The following GNG4 variants were observed in gnomAD, a reference collection of about 807,000 sequenced individuals.
The protein encoded by GNG4 is G protein subunit gamma 4, also known as guanine nucleotide-binding protein G(I)/G(S)/G(O) subunit gamma-4.
In GNG4, 4 loss-of-function variants were observed where a neutral mutation model predicts 5.8. The observed-to-expected ratio is 0.69, with a 90% CI of 0.34 to 1.57. The LOEUF is 1.57. Among genes scored for constraint, GNG4 ranks in the 40% most tolerant of loss-of-function variants. GNG4 has a pLI of 0.06. For synonymous variants in GNG4, 29 were observed against 32.9 expected (o/e 0.88, Z 0.41); for missense variants, 96 against 95.1 (o/e 1.01, Z -0.04).
At chr1:235,579,268 A>G (rs1203461762) in intron 3 of GNG4, among the ~76,000 whole-genome samples, 2 of 152,158 alleles carry the variant, frequency 1.3e-5, no homozygotes, top group East Asian at 3.8e-4. Flanking sequence ...CATACATTAA[A>G]TGGCTTGACT....
chr1:235,626,253 C>A, intron 1 of GNG4, among the ~76,000 whole-genome samples: 1 of 152,166 alleles, frequency 6.6e-6, no homozygotes, highest in East Asian at 1.9e-4. Flanking sequence ...TTTTGCTCAT[C>A]TTTAATAGGA....
rs143217606 is a variant in GNG4 at position 235,591,892 on chromosome 1, G to C, written c.-11+3508C>G. 1.3e-3 allele frequency among the ~76,000 whole-genome samples: 199 copies of C among 152,326 alleles called. 1 individual carries two copies. Among genetic ancestry groups the C allele is most frequent in the East Asian group, 1.9e-3 (10 of 5,182 alleles). ...GATGCAGCAGAGAACCCGTTGTACG[G>C]GTCTGTGGGACCCCCAGCAGGGAAA... is the stretch of plus-strand genomic sequence containing the variant. On this transcript the variant is annotated intron_variant, in intron 2 of 3. Transcript: ENST00000391854.
chr1:235,618,663 T>G (rs1033666071), intron 1 of GNG4, among the ~76,000 whole-genome samples: 6 of 151,440 alleles, frequency 4.0e-5, no homozygotes, highest in Non-Finnish European at 7.4e-5. Flanking sequence ...TCTTTTTGTT[T>G]TTTTTTTTTT....
In GNG4 at chr1:235,549,286, G is replaced by C. The variant is rs1686674819; in HGVS notation, c.*2823C>G. On this transcript the variant is annotated 3_prime_UTR_variant, in exon 4 of 4. Transcript: ENST00000391854. ...GTCCCCAAATGCCATAGGTCTGGAA[G>C]AGGTGCAGTAAAAGGACAGAAAAGC... 6.6e-6 allele frequency: 1 copy of C among 152,306 alleles called. No individual in the cohort carries two copies. The highest frequency in any genetic ancestry group is 6.5e-5 in the Admixed American group (1 of 15,274). 9.4% of individuals were successfully genotyped at this position (152,306 alleles called of 1,614,324 possible).
rs140111038 is a variant in GNG4 at position 235,599,207 on chromosome 1, A to T, written c.-122-3696T>A. Among the ~76,000 whole-genome samples the T allele has an allele frequency of 1.5e-4, 23 of 152,296 alleles. No homozygotes were observed. In the East Asian group the frequency reaches 3.5e-3, roughly 23 times the overall value. ...TGCTACTCACAGCCTGGTGGGAGAC[A>T]TCAGCTTCAGTATCCCCTGGAGCTC... On this transcript the variant is annotated intron_variant, in intron 1 of 3. Transcript: ENST00000391854.
intron 2 of GNG4, among the ~76,000 whole-genome samples, chr1:235,584,728 A>G (rs971680104): frequency 6.6e-6 from 1 of 152,234 alleles, no homozygotes; most frequent in Non-Finnish European, 1.5e-5. Flanking sequence ...TCTGCTTCAA[A>G]GGAAGCCTAA....
intron 3 of GNG4, among the ~76,000 whole-genome samples, chr1:235,570,597 ATG>A (rs1169510869): frequency 3.3e-5 from 5 of 151,542 alleles, no homozygotes; most frequent in Admixed American, 2.6e-4. Flanking sequence ...GGGTTTCACT[ATG>A]TTGGTCAGGC....
chr1:235,583,873 T>C, intron 2 of GNG4, 25 bp from the exon 3 acceptor site: 1 of 1,439,322 alleles, frequency 6.9e-7, no homozygotes, highest in Non-Finnish European at 9.8e-7. Flanking sequence ...AGTAAAAGGG[T>C]TAGAAGAGCT....
chr1:235,641,294 G>T (rs560165691), intron 1 of GNG4, among the ~76,000 whole-genome samples: 4 of 152,288 alleles, frequency 2.6e-5, no homozygotes, highest in Admixed American at 2.0e-4. Context: ...GGAGACTGAA[G>T]TGGAAGGCTC....
At chr1:235,600,412 G>T (rs1475447128) in intron 1 of GNG4, among the ~76,000 whole-genome samples, 1 of 138,768 alleles carries the variant, frequency 7.2e-6, no homozygotes, top group East Asian at 2.0e-4. Flanking sequence ...ATGGCGCCTG[G>T]CTTTTGTGTG....
Position 235,642,941 on chromosome 1 carries a change from C to G in GNG4, c.-123+6721G>C, listed in dbSNP as rs570120130. On this transcript the variant is annotated intron_variant, in intron 1 of 3. Coordinates refer to ENST00000391854, the MANE Select transcript of GNG4 (RefSeq NM_001098722.2). This position sits in a 1 kb window ranked among gnomAD's most constrained non-coding sequence, Gnocchi z 4.3. ...AAAACCAGGTCACATTACCCCTCGT[C>G]CATCCATGCTCAGTCTGGAAACCCT... 6.6e-6 allele frequency among the ~76,000 whole-genome samples: 1 copy of G among 152,270 alleles called. No individual in the cohort carries two copies. Among genetic ancestry groups the G allele is most frequent in the African/African-American group, 2.4e-5 (1 of 41,560 alleles).
At chr1:235,630,409 A>G (rs1688907994) in intron 1 of GNG4, among the ~76,000 whole-genome samples, 1 of 152,210 alleles carries the variant, frequency 6.6e-6, no homozygotes, top group Non-Finnish European at 1.5e-5. Flanking sequence ...TACTTGAATA[A>G]TCAAGACCAA....
chr1:235,585,900 A>G (rs1033788822), intron 2 of GNG4, among the ~76,000 whole-genome samples: 1 of 152,208 alleles, frequency 6.6e-6, no homozygotes, highest in African/African-American at 2.4e-5. Context: ...AAGTCATTTA[A>G]TGCTACCTTC....
At chr1:235,638,285 T>A (rs1210461138) in intron 1 of GNG4, among the ~76,000 whole-genome samples, 2 of 152,204 alleles carry the variant, frequency 1.3e-5, no homozygotes, top group African/African-American at 2.4e-5. Context: ...TACAACACAT[T>A]ACCATATATT....
At chr1:235,608,441 C>T (rs1688408581) in intron 1 of GNG4, among the ~76,000 whole-genome samples, 1 of 152,080 alleles carries the variant, frequency 6.6e-6, no homozygotes, top group African/African-American at 2.4e-5. Flanking sequence ...GTGCAACCAC[C>T]AACACTATTT....
chr1:235,612,547 C>T (rs1014680094), intron 1 of GNG4, among the ~76,000 whole-genome samples: 16 of 151,938 alleles, frequency 1.1e-4, no homozygotes, highest in African/African-American at 3.6e-4. Context: ...TTTTTGGAGA[C>T]GGGGTCTCAC....
At chr1:235,637,521 C>T (rs549215522) in intron 1 of GNG4, among the ~76,000 whole-genome samples, 14 of 152,138 alleles carry the variant, frequency 9.2e-5, no homozygotes, top group South Asian at 6.2e-4. Context: ...GGCGCGGTGG[C>T]GCGTGCCTGC....
intron 1 of GNG4, among the ~76,000 whole-genome samples, chr1:235,599,536 C>T (rs1688206874): frequency 6.6e-6 from 1 of 151,798 alleles, no homozygotes; most frequent in Non-Finnish European, 1.5e-5. Flanking sequence ...AGGCTGATAA[C>T]AAACTCTGAC....
intron 1 of GNG4, among the ~76,000 whole-genome samples, chr1:235,597,628 G>GTGTGTATA (rs772061855): frequency 2.8e-5 from 2 of 72,492 alleles, no homozygotes; most frequent in South Asian, 3.5e-4. Context: ...GTGTGTGTGT[G>GTGTGTATA]TATTTTTTTT....
Sources: gnomAD v4.1 joint callset for allele counts (sites outside exome capture counted in the v4.1 genomes callset) on GRCh38, gnomAD v4.1.1 for gene constraint, Gnocchi (gnomAD v3.1) non-coding constraint, MANE v1.5 for transcripts, NCBI Gene and HGNC (gene_info 2026-07-23, HGNC 2026-07-21) for gene names.